AGMO: variants seen among roughly 807,000 people sequenced by gnomAD.
The protein encoded by AGMO is alkylglycerol monooxygenase, also known as glyceryl-ether monooxygenase.
Under a neutral mutation model 60.2 loss-of-function variants are expected in AGMO, and 75 were observed. The ratio of observed to expected loss-of-function variants is 1.25; its 90% CI spans 1.03 to 1.51. The LOEUF (loss-of-function observed/expected upper bound fraction) is 1.51, where lower values mean the gene tolerates loss of function less well. Ranked by LOEUF, AGMO falls within the 40% of genes most tolerant of loss-of-function variation. The probability of loss-of-function intolerance (pLI) is 0.00; values close to 1 mark genes in which losing one functional copy is unlikely to be tolerated. For missense variants in AGMO, 763 were observed against 525.5 expected, an observed-to-expected ratio of 1.45 and a Z score of -4.42; for synonymous variants, 261 against 177.1, an observed-to-expected ratio of 1.47 and a Z score of -3.76.
intron 12 of AGMO, among the ~76,000 whole-genome samples, chr7:15,222,330 A>G (rs1781947733): frequency 6.6e-6 from 1 of 152,040 alleles, no homozygotes; most frequent in Non-Finnish European, 1.5e-5. Context: ...TGATTTTGGA[A>G]GTCAGAATGA....
rs1266465570 is a variant in AGMO at position 15,322,680 on chromosome 7, ATATATAAATATATGAATATG to A, written c.1263+42814_1263+42833del. Among the ~76,000 whole-genome samples, 286 of 79,238 alleles carry A rather than the reference ATATATAAATATATGAATATG, an allele frequency of 3.6e-3. 60 individuals are homozygous for A. The highest frequency in any genetic ancestry group is 9.8e-3 in the African/African-American group (147 of 14,942). 52.0% of individuals were successfully genotyped at this position (79,238 alleles called of 152,430 possible). ...TATATAAATATATATAAATATATGT[ATATATAAATATATGAATATG>A]TATAAATATATATAAATATATAAAT... On this transcript the variant is annotated intron_variant, in intron 12 of 12. Coordinates refer to ENST00000342526, the MANE Select transcript of AGMO (RefSeq NM_001004320.2).
At chr7:15,321,753 T>C (rs745434944) in intron 12 of AGMO, among the ~76,000 whole-genome samples, 2 of 152,058 alleles carry the variant, frequency 1.3e-5, no homozygotes, top group East Asian at 1.9e-4. Flanking sequence ...GTTCTTTCAA[T>C]AGGTTTTTCT....
the AGMO span, among the ~76,000 whole-genome samples, chr7:15,163,246 T>G: frequency 6.2e-4 from 94 of 152,308 alleles, no homozygotes; most frequent in African/African-American, 2.2e-3. Flanking sequence ...GTTCTCTAGA[T>G]TTAAGATCAT....
At chr7:15,124,221 G>A in the AGMO span, among the ~76,000 whole-genome samples, 1 of 151,866 alleles carries the variant, frequency 6.6e-6, no homozygotes, top group South Asian at 2.1e-4. Flanking sequence ...CCTGTTAACA[G>A]AATTACTCTT....
chr7:15,333,872 G>A (rs755078363), intron 12 of AGMO, among the ~76,000 whole-genome samples: 2 of 151,898 alleles, frequency 1.3e-5, no homozygotes, highest in African/African-American at 2.4e-5. Context: ...AATTCCTATT[G>A]CATGTATTCC....
chr7:15,533,893 A>C (rs1784425843), intron 3 of AGMO, among the ~76,000 whole-genome samples: 1 of 152,118 alleles, frequency 6.6e-6, no homozygotes, highest in Non-Finnish European at 1.5e-5. Context: ...TGGCATTAAA[A>C]ATTTGTTTTA....
the AGMO span, among the ~76,000 whole-genome samples, chr7:15,130,819 T>C: frequency 1.3e-5 from 2 of 152,146 alleles, no homozygotes; most frequent in Non-Finnish European, 2.9e-5. Context: ...GTGTGCTATG[T>C]ATATATACAA....
rs140635612 is a variant in AGMO at position 15,346,346 on chromosome 7, G to A, written c.1263+19168C>T. ...ACAGCATTATTTGGTCTAGTCCCGA[G>A]TACTTTATTTAGTAAATAACTTGGG... On this transcript the variant is annotated intron_variant, in intron 12 of 12. Coordinates refer to ENST00000342526, the MANE Select transcript of AGMO (RefSeq NM_001004320.2). 5.3e-3 allele frequency among the ~76,000 whole-genome samples: 811 copies of A among 152,132 alleles called. 5 individuals are homozygous for A. The highest frequency in any genetic ancestry group is 0.019 in the African/African-American group (783 of 41,538).
intron 3 of AGMO, among the ~76,000 whole-genome samples, chr7:15,487,620 A>G (rs1404226821): frequency 6.6e-6 from 1 of 152,096 alleles, no homozygotes; most frequent in Non-Finnish European, 1.5e-5. Context: ...GCAGGATCCC[A>G]TTTTCTCCCT....
At chr7:15,380,703 T>C (rs1052680123) in intron 10 of AGMO, among the ~76,000 whole-genome samples, 1 of 151,962 alleles carries the variant, frequency 6.6e-6, no homozygotes, top group Non-Finnish European at 1.5e-5. Context: ...ATGGAACCAA[T>C]AAAAGAGCCC....
At chr7:15,253,990 T>C (rs541874351) in intron 12 of AGMO, among the ~76,000 whole-genome samples, 2 of 152,172 alleles carry the variant, frequency 1.3e-5, no homozygotes, top group Admixed American at 6.5e-5. Context: ...CTTAACATAA[T>C]GTCCTCTAGG....
At chr7:15,423,864 G>T (rs1358849899) in intron 4 of AGMO, among the ~76,000 whole-genome samples, 2 of 152,100 alleles carry the variant, frequency 1.3e-5, no homozygotes, top group African/African-American at 4.8e-5. Context: ...CTGCCATCTT[G>T]ATGTCAGGCT....
intron 3 of AGMO, among the ~76,000 whole-genome samples, chr7:15,449,498 G>C (rs1425931958): frequency 6.6e-6 from 1 of 152,092 alleles, no homozygotes; most frequent in Non-Finnish European, 1.5e-5. Context: ...AATATGTTTA[G>C]ATATACAAAT....
At chr7:15,216,374 T>C (rs1781737730) in intron 12 of AGMO, among the ~76,000 whole-genome samples, 1 of 152,126 alleles carries the variant, frequency 6.6e-6, no homozygotes, top group Admixed American at 6.6e-5. Flanking sequence ...ACTGCTATAA[T>C]TTTATAGGGT....
At chr7:15,343,893 T>C (rs757431677) in intron 12 of AGMO, among the ~76,000 whole-genome samples, 3 of 152,166 alleles carry the variant, frequency 2.0e-5, no homozygotes, top group South Asian at 2.1e-4. Flanking sequence ...AGTTTAAAAG[T>C]TGACATTTAT....
At chr7:15,300,894 A>C (rs556283738) in intron 12 of AGMO, among the ~76,000 whole-genome samples, 2 of 152,278 alleles carry the variant, frequency 1.3e-5, no homozygotes, top group East Asian at 3.9e-4. Context: ...ATCTCCAAAC[A>C]TGCCAAAATT....
At chr7:15,188,464 T>A in the AGMO span, among the ~76,000 whole-genome samples, 1 of 152,224 alleles carries the variant, frequency 6.6e-6, no homozygotes, top group African/African-American at 2.4e-5. Context: ...ACCATACTTG[T>A]ACTAAACATA....
intron 3 of AGMO, among the ~76,000 whole-genome samples, chr7:15,490,697 T>G (rs901982770): frequency 6.6e-6 from 1 of 152,110 alleles, no homozygotes; most frequent in African/African-American, 2.4e-5. Context: ...CAATTCAAAA[T>G]GCAGAGAGCA....
chr7:15,247,285 A>C (rs1431905696), intron 12 of AGMO, among the ~76,000 whole-genome samples: 1 of 152,150 alleles, frequency 6.6e-6, no homozygotes, highest in Non-Finnish European at 1.5e-5. Flanking sequence ...ATACATTTTC[A>C]TGTTGAAAGT....
Sources: gnomAD v4.1 joint callset for allele counts (sites outside exome capture counted in the v4.1 genomes callset) on GRCh38, gnomAD v4.1.1 for gene constraint, MANE v1.5 for transcripts, NCBI Gene and HGNC (gene_info 2026-07-23, HGNC 2026-07-21) for gene names.